TNRC6B: variants seen among roughly 807,000 people sequenced by gnomAD.
TNRC6B encodes the protein trinucleotide repeat-containing gene 6B protein.
A neutral mutation model predicts 203.6 loss-of-function variants in TNRC6B; 52 were observed. The ratio of observed to expected loss-of-function variants is 0.26; its 90% CI spans 0.20 to 0.32. The LOEUF (loss-of-function observed/expected upper bound fraction) is 0.32, where lower values mean the gene tolerates loss of function less well. Ranked by LOEUF, TNRC6B falls within the 10% of genes least tolerant of loss-of-function variation. The pLI is 1.00. For synonymous variants in TNRC6B, 838 were observed against 845.7 expected, an observed-to-expected ratio of 0.99 and a Z score of 0.16; for missense variants, 1,923 against 2,286.2, an observed-to-expected ratio of 0.84 and a Z score of 3.24.
chr22:40,131,503 G>A (rs1235203148), intron 3 of TNRC6B, among the ~76,000 whole-genome samples: 1 of 151,508 alleles, frequency 6.6e-6, no homozygotes, highest in East Asian at 1.9e-4. Context: ...TTATGCACAA[G>A]CATAATTCCT....
chr22:40,061,018 C>A (rs894083143), intron 1 of TNRC6B, among the ~76,000 whole-genome samples: 1 of 152,108 alleles, frequency 6.6e-6, no homozygotes, highest in African/African-American at 2.4e-5. Context: ...CAGATGCCAC[C>A]CAAGAGCCAA....
chr22:40,274,353 C>G (rs1372026707), intron 7 of TNRC6B, among the ~76,000 whole-genome samples: 2 of 152,060 alleles, frequency 1.3e-5, no homozygotes, highest in Non-Finnish European at 2.9e-5. Context: ...GACCCAGAAC[C>G]CTTCTCCCGA....
intron 1 of TNRC6B, among the ~76,000 whole-genome samples, chr22:40,239,513 A>G (rs2069997940): frequency 6.6e-6 from 1 of 152,198 alleles, no homozygotes; most frequent in South Asian, 2.1e-4. Flanking sequence ...TGTTGAAGCA[A>G]GTGGATATTG....
In TNRC6B at chr22:40,273,413, C is replaced by A; in HGVS notation, c.2966-12C>A. On this transcript the variant is annotated splice_polypyrimidine_tract_variant and intron_variant, in intron 6 of 22. Transcript: ENST00000454349. ...AGCTGTTGCAAAGAGTTAATTCATT[C>A]TTTCCTTAAAGATTCCAAATCTATG... is the stretch of plus-strand genomic sequence containing the variant. 1.3e-6 allele frequency: 2 copies of A among 1,585,444 alleles called. No individual in the cohort carries two copies. The highest frequency in any genetic ancestry group is 1.2e-5 in the South Asian group (1 of 86,234).
chr22:40,178,447 AAG>A (rs1292961226), intron 1 of TNRC6B, among the ~76,000 whole-genome samples: 1 of 152,214 alleles, frequency 6.6e-6, no homozygotes, highest in Non-Finnish European at 1.5e-5. Context: ...GCTATTTAGA[AAG>A]AGGTTTTTAA....
At chr22:40,160,360 C>A (rs1287546718) in intron 4 of TNRC6B, among the ~76,000 whole-genome samples, 1 of 151,568 alleles carries the variant, frequency 6.6e-6, no homozygotes, top group Non-Finnish European at 1.5e-5. Flanking sequence ...CCTATAATCC[C>A]AGCTACTAGG....
chr22:40,311,098 C>A (rs964802386), intron 17 of TNRC6B, 105 bp downstream of exon 17: 4 of 1,270,280 alleles, frequency 3.1e-6, no homozygotes, highest in Non-Finnish European at 4.3e-6. Context: ...AAGGTACTTG[C>A]TTTTATTTTT....
chr22:40,130,009 A>G (rs1040372957), intron 3 of TNRC6B, among the ~76,000 whole-genome samples: 1 of 152,246 alleles, frequency 6.6e-6, no homozygotes, highest in Non-Finnish European at 1.5e-5. Context: ...GAGAAATTAA[A>G]TGATTTTTAA....
intron 1 of TNRC6B, among the ~76,000 whole-genome samples, chr22:40,079,581 A>T (rs1449772204): frequency 2.6e-5 from 4 of 151,404 alleles, no homozygotes; most frequent in Admixed American, 1.3e-4. Flanking sequence ...GTATATATAT[A>T]TATTTTTTAT....
intron 1 of TNRC6B, among the ~76,000 whole-genome samples, chr22:40,182,573 A>G (rs1400594170): frequency 6.6e-6 from 1 of 152,208 alleles, no homozygotes; most frequent in Non-Finnish European, 1.5e-5. Flanking sequence ...GTTCAGCAGT[A>G]ATTTATTAAG....
At chr22:40,058,221 T>C (rs2067817354) in intron 1 of TNRC6B, among the ~76,000 whole-genome samples, 1 of 152,160 alleles carries the variant, frequency 6.6e-6, no homozygotes, top group Middle Eastern at 3.4e-3. Flanking sequence ...AATACTACTT[T>C]TACAACACCA....
At chr22:40,109,967 T>C (rs1425447008) in intron 1 of TNRC6B, among the ~76,000 whole-genome samples, 1 of 152,228 alleles carries the variant, frequency 6.6e-6, no homozygotes, top group Non-Finnish European at 1.5e-5. Flanking sequence ...TGATTATTCA[T>C]ATTACTATCA....
At chr22:40,213,074 G>A (rs191853418) in intron 1 of TNRC6B, among the ~76,000 whole-genome samples, 65 of 152,180 alleles carry the variant, frequency 4.3e-4, no homozygotes, top group African/African-American at 1.5e-3. Context: ...ATGTCTTCTC[G>A]TGTATAACTT....
rs560330273 is a variant in TNRC6B at position 40,193,049 on chromosome 22, C to G, written c.5+14909C>G. ...ACCCGAAAAGGAAGGATTTTAGGGCCGGCGCCCCAGCGGTCAGCTTGGGAA... is the reference window on the plus strand; with the variant it reads ...ACCCGAAAAGGAAGGATTTTAGGGCGGGCGCCCCAGCGGTCAGCTTGGGAA... On this transcript the variant is annotated intron_variant, in intron 1 of 22. Coordinates refer to ENST00000454349, the MANE Select transcript of TNRC6B (RefSeq NM_001162501.2). Among the ~76,000 whole-genome samples the G allele has an allele frequency of 2.0e-5, 3 of 152,168 alleles. No homozygotes were observed. In the East Asian group the frequency reaches 5.8e-4, roughly 29 times the overall value.
chr22:40,273,936 C>A (rs1018536912), intron 7 of TNRC6B, among the ~76,000 whole-genome samples: 1 of 152,112 alleles, frequency 6.6e-6, no homozygotes, highest in Admixed American at 6.5e-5. Context: ...TGGGAGCTAC[C>A]ATGCCTAGCC....
chr22:40,164,369 C>G (rs1162668384), intron 4 of TNRC6B, among the ~76,000 whole-genome samples: 1 of 121,906 alleles, frequency 8.2e-6, no homozygotes, highest in East Asian at 2.3e-4. Flanking sequence ...GCCTGGGCGA[C>G]AGAGTGAGAC....
intron 1 of TNRC6B, among the ~76,000 whole-genome samples, chr22:40,096,485 G>A (rs1450138530): frequency 6.6e-6 from 1 of 152,144 alleles, no homozygotes; most frequent in African/African-American, 2.4e-5. Context: ...TACCTTGACA[G>A]CAACATGAGT....
At chr22:40,140,002 A>T (rs1184841978) in intron 3 of TNRC6B, among the ~76,000 whole-genome samples, 1 of 152,204 alleles carries the variant, frequency 6.6e-6, no homozygotes, top group Non-Finnish European at 1.5e-5. Context: ...CCTCAAATTA[A>T]GTTTTGTATA....
intron 1 of TNRC6B, among the ~76,000 whole-genome samples, chr22:40,084,851 T>A (rs1321059309): frequency 4.6e-5 from 7 of 152,142 alleles, no homozygotes; most frequent in Admixed American, 6.6e-5. Flanking sequence ...GGTGCATGTA[T>A]GTTAATTCTA....
Sources: gnomAD v4.1 joint callset for allele counts (sites outside exome capture counted in the v4.1 genomes callset) on GRCh38, gnomAD v4.1.1 for gene constraint, MANE v1.5 for transcripts, NCBI Gene and HGNC (gene_info 2026-07-23, HGNC 2026-07-21) for gene names.